The following ARPP19 variants were observed in gnomAD, a reference collection of about 807,000 sequenced individuals.
ARPP19 encodes the protein cAMP regulated phosphoprotein 19, also known as cAMP-regulated phosphoprotein 19.
ARPP19 carries 8 observed loss-of-function variants against 12.0 expected under a neutral mutation model. The observed-to-expected ratio is 0.67, with a 90% CI of 0.39 to 1.21. The LOEUF (loss-of-function observed/expected upper bound fraction) is 1.21, where lower values mean the gene tolerates loss of function less well. Among genes scored for constraint, ARPP19 ranks in the 50% most tolerant of loss-of-function variants. The probability of loss-of-function intolerance (pLI) is 0.01; values close to 1 mark genes in which losing one functional copy is unlikely to be tolerated. For missense variants in ARPP19, 102 were observed against 136.3 expected, an observed-to-expected ratio of 0.75 and a Z score of 1.25; for synonymous variants, 47 against 50.4, an observed-to-expected ratio of 0.93 and a Z score of 0.29.
chr15:52,556,762 G>GT (rs1322721607), intron 2 of ARPP19, among the ~76,000 whole-genome samples: 2 of 152,176 alleles, frequency 1.3e-5, no homozygotes, highest in East Asian at 3.9e-4. Flanking sequence ...GGTTTCAACA[G>GT]TATCTACAAC....
rs1388056374 is a variant in ARPP19 at position 52,547,185 on chromosome 15, A to C, written c.*4749T>G. ...ATGTAAAGAGATCAACTTCAGAAAA[A>C]ATACACTGAAAAACATACCACTTTA... On this transcript the variant is annotated 3_prime_UTR_variant, in exon 3 of 3. Coordinates refer to ENST00000249822, the MANE Select transcript of ARPP19 (RefSeq NM_006628.6). The C allele has an allele frequency of 6.6e-6, 1 of 152,250 alleles. No individual in the cohort carries two copies. The highest frequency in any genetic ancestry group is 1.9e-4 in the East Asian group (1 of 5,204). The allele number at this position is 152,250 out of a possible 1,614,324, so 9.4% of individuals were successfully genotyped here.
intron 2 of ARPP19, 190 bp downstream of exon 2, chr15:52,556,910 A>G: frequency 2.0e-6 from 1 of 493,602 alleles, no homozygotes; most frequent in South Asian, 4.2e-5. Flanking sequence ...AAAATGCTGA[A>G]GAGTTGTAGA....
chr15:52,551,783 C>T lies in ARPP19; in HGVS notation c.*151G>A, dbSNP rs1282070996. On this transcript the variant is annotated 3_prime_UTR_variant, in exon 3 of 3. Coordinates refer to ENST00000249822, the MANE Select transcript of ARPP19 (RefSeq NM_006628.6). Reference sequence around the variant, plus strand: ...TTAAACTAATCAAAAACTCTACACACGTATATTCCACAATAGCAGCACACA... The same window carrying T: ...TTAAACTAATCAAAAACTCTACACATGTATATTCCACAATAGCAGCACACA... 2.3e-5 allele frequency: 15 copies of T among 640,776 alleles called. No individual in the cohort carries two copies. The highest frequency in any genetic ancestry group is 2.7e-4 in the Middle Eastern group (1 of 3,696). The allele number at this position is 640,776 out of a possible 1,614,324, so 39.7% of individuals were successfully genotyped here. A position where few individuals can be genotyped will look rare whatever the true frequency, so the allele number is the denominator to read the frequency against.
In ARPP19 at chr15:52,559,061, A is replaced by C. The variant is rs76476638; in HGVS notation, c.46-1839T>G. 1.8e-3 allele frequency among the ~76,000 whole-genome samples: 269 copies of C among 152,276 alleles called. 3 individuals are homozygous for C. The East Asian group carries it at 0.034, about 19-fold the overall frequency. ...TTTGTTGTTAGATCTTCTCATTTTC[A>C]GTCTCGGAGAATTTTGAGAAAAAAG... On this transcript the variant is annotated intron_variant, in intron 1 of 2. Coordinates refer to ENST00000249822, the MANE Select transcript of ARPP19 (RefSeq NM_006628.6).
chr15:52,569,153 T>G, upstream of ARPP19: 2 of 489,054 alleles, frequency 4.1e-6, no homozygotes, highest in Non-Finnish European at 3.6e-6. Context: ...GTCCAAACAC[T>G]TCCTTTTTTC....
intron 1 of ARPP19, among the ~76,000 whole-genome samples, chr15:52,558,383 G>A (rs1215751339): frequency 1.3e-5 from 2 of 151,710 alleles, no homozygotes; most frequent in Admixed American, 1.3e-4. Context: ...ATGGAAGGTT[G>A]AGGCTGCAGT....
Position 52,550,698 on chromosome 15 carries a change from T to G in ARPP19, c.*1236A>C, listed in dbSNP as rs1175492902. The G allele has an allele frequency of 6.6e-6, 1 of 152,252 alleles. No homozygotes were observed. Among genetic ancestry groups the G allele is most frequent in the East Asian group, 1.9e-4 (1 of 5,192 alleles). 9.4% of individuals were successfully genotyped at this position (152,252 alleles called of 1,614,324 possible). A position where few individuals can be genotyped will look rare whatever the true frequency, so the allele number is the denominator to read the frequency against. On this transcript the variant is annotated 3_prime_UTR_variant, in exon 3 of 3. Coordinates refer to ENST00000249822, the MANE Select transcript of ARPP19 (RefSeq NM_006628.6). ...TGTGTTATATAAAAGAGTAAGGATA[T>G]AGACACCTATGCTTCCATATACAAC...
intron 1 of ARPP19, 97 bp downstream of exon 1, chr15:52,568,751 C>A (rs2078110761): frequency 2.5e-6 from 2 of 813,110 alleles, no homozygotes. Flanking sequence ...TGCGCCTCGG[C>A]CCCGCATCTC....
chr15:52,568,853 G>C lies in ARPP19; in HGVS notation c.40C>G (p.Gln14Glu), dbSNP rs758875585. The change falls in exon 1 of 3, where the codon CAG becomes GAG. Residue 14 changes from glutamine to glutamate, a missense_variant. Transcript: ENST00000249822. ...CTCACGCCCCGCGCGCTCACCTTCT[G>C]CTCCTCCGCGGAGGCTGCCTCGGGG... ...EVPEAASAEE[Q>E]KEMEDKVTSP... 73 of 1,573,462 alleles carry C rather than the reference G, an allele frequency of 4.6e-5. No individual in the cohort carries two copies. Among genetic ancestry groups the C allele is most frequent in the Non-Finnish European group, 4.7e-5 (55 of 1,163,982 alleles).
intron 1 of ARPP19, among the ~76,000 whole-genome samples, chr15:52,563,534 G>T (rs1265893288): frequency 1.3e-5 from 2 of 152,188 alleles, no homozygotes; most frequent in Non-Finnish European, 2.9e-5. Context: ...AAATACATCA[G>T]AAATCCTTTC....
At position 52,548,936 on chromosome 15, in the gene ARPP19, G is replaced by C. The variant is rs529895984; in HGVS notation, c.*2998C>G. 6 of 152,754 alleles carry C rather than the reference G, an allele frequency of 3.9e-5. No individual in the cohort carries two copies. Among genetic ancestry groups the C allele is most frequent in the African/African-American group, 1.2e-4 (5 of 41,570 alleles). The allele number at this position is 152,754 out of a possible 1,614,324, so 9.5% of individuals were successfully genotyped here. A position where few individuals can be genotyped will look rare whatever the true frequency, so the allele number is the denominator to read the frequency against. ...TTCACCAGGCTTTCCTTGATGAATA[G>C]TTAAGACATATTTTTAGGTCATCAG... On this transcript the variant is annotated 3_prime_UTR_variant, in exon 3 of 3. Coordinates refer to ENST00000249822, the MANE Select transcript of ARPP19 (RefSeq NM_006628.6).
In ARPP19 at chr15:52,550,816, C is replaced by G. The variant is rs1595859601; in HGVS notation, c.*1118G>C. 2 of 152,568 alleles carry G rather than the reference C, an allele frequency of 1.3e-5. No homozygotes were observed. Among genetic ancestry groups the G allele is most frequent in the African/African-American group, 4.8e-5 (2 of 41,430 alleles). 9.5% of individuals were successfully genotyped at this position (152,568 alleles called of 1,614,324 possible). A position where few individuals can be genotyped will look rare whatever the true frequency, so the allele number is the denominator to read the frequency against. ...ATGCAGAGTATTGAAGCCTTTTATT[C>G]TAGGGTCTCCAAAACTGAGTGTGGA... On this transcript the variant is annotated 3_prime_UTR_variant, in exon 3 of 3. Transcript: ENST00000249822.
chr15:52,569,190 C>T (rs984579188), upstream of ARPP19: 2 of 432,266 alleles, frequency 4.6e-6, no homozygotes, highest in South Asian at 2.7e-5. Context: ...TCCTGCCTCA[C>T]CTCACATCCG....
intron 1 of ARPP19, chr15:52,568,243 A>G (rs367996375): frequency 6.6e-6 from 1 of 152,266 alleles, no homozygotes; most frequent in African/African-American, 2.4e-5. Flanking sequence ...CCATCGACTG[A>G]AACCTTTTTG....
At chr15:52,565,088 G>T (rs546589561) in intron 1 of ARPP19, among the ~76,000 whole-genome samples, 1 of 147,890 alleles carries the variant, frequency 6.8e-6, no homozygotes. Flanking sequence ...ACCCAGTGGC[G>T]CCATCAAAGC....
chr15:52,562,603 C>T (rs542616152), intron 1 of ARPP19, among the ~76,000 whole-genome samples: 22 of 151,734 alleles, frequency 1.4e-4, no homozygotes, highest in African/African-American at 5.3e-4. Context: ...TTAAGCCTAC[C>T]CTGGGAGACA....
chr15:52,568,921 G>A lies in ARPP19; in HGVS notation c.-29C>T, dbSNP rs867842467. 10 of 1,203,656 alleles carry A rather than the reference G, an allele frequency of 8.3e-6. No homozygotes were observed. The highest frequency in any genetic ancestry group is 1.1e-5 in the Non-Finnish European group (10 of 880,946). The allele number at this position is 1,203,656 out of a possible 1,614,324, so 74.6% of individuals were successfully genotyped here. A position where few individuals can be genotyped will look rare whatever the true frequency, so the allele number is the denominator to read the frequency against. On this transcript the variant is annotated 5_prime_UTR_variant, in exon 1 of 3. Coordinates refer to ENST00000249822, the MANE Select transcript of ARPP19 (RefSeq NM_006628.6). ...GCTCCCTCTGCAGACGAGACGCCGG[G>A]AAAAGATGCAATTAGCGGGTGGCCG...
chr15:52,555,028 A>C (rs1253266069), intron 2 of ARPP19, among the ~76,000 whole-genome samples: 1 of 151,994 alleles, frequency 6.6e-6, no homozygotes, highest in Non-Finnish European at 1.5e-5. Flanking sequence ...GAAAATTAAA[A>C]CCCAGAACCT....
intron 2 of ARPP19, 32 bp from the exon 3 acceptor site, chr15:52,552,136 G>C (rs186917395): frequency 7.2e-7 from 1 of 1,385,292 alleles, no homozygotes; most frequent in Non-Finnish European, 1.0e-6. Flanking sequence ...ATTCAGATTA[G>C]AGCTTAGCAA....
Sources: allele counts gnomAD v4.1 joint callset (sites outside exome capture counted in the v4.1 genomes callset), GRCh38; gene constraint gnomAD v4.1.1; transcripts MANE v1.5; gene names NCBI Gene and HGNC (gene_info 2026-07-23, HGNC 2026-07-21).